UBE2R2: variants seen among roughly 807,000 people sequenced by gnomAD.
UBE2R2 encodes the protein ubiquitin conjugating enzyme E2 R2.
A neutral mutation model predicts 27.8 loss-of-function variants in UBE2R2; 1 was observed. The observed-to-expected ratio is 0.04, with a 90% CI of 0.01 to 0.17. The LOEUF is 0.17. UBE2R2 is among the 10% of genes least tolerant of loss of function. The probability of loss-of-function intolerance (pLI) is 1.00; values close to 1 mark genes in which losing one functional copy is unlikely to be tolerated. For synonymous variants in UBE2R2, 106 were observed against 113.3 expected, an observed-to-expected ratio of 0.94 and a Z score of 0.41; for missense variants, 100 against 291.0, an observed-to-expected ratio of 0.34 and a Z score of 4.78.
At chr9:33,915,215 A>G (rs1564008205) in intron 4 of UBE2R2, among the ~76,000 whole-genome samples, 2 of 152,256 alleles carry the variant, frequency 1.3e-5, no homozygotes, top group South Asian at 4.1e-4. Context: ...GGGGACAGAT[A>G]TAAAAATATT....
At chr9:33,852,623 C>A in intron 1 of UBE2R2, among the ~76,000 whole-genome samples, 1 of 152,156 alleles carries the variant, frequency 6.6e-6, no homozygotes, top group East Asian at 1.9e-4. Context: ...CTATTTTCTT[C>A]TTCTAGGCCT....
Position 33,917,048 on chromosome 9 carries a change from A to G in UBE2R2, c.528A>G (p.Ala176=). The change falls in exon 5 of 5, where the codon GCA becomes GCG. Residue 176 remains alanine (A), a synonymous_variant. Coordinates refer to ENST00000263228, the MANE Select transcript of UBE2R2 (RefSeq NM_017811.4). ...RKQVSATKAE[A]EKDGVKVPTT... ...AAGTTTCAGCCACTAAGGCCGAAGCAGAAAAGGATGGAGTGAAGGTCCCCA... is the reference window on the plus strand; with the variant it reads ...AAGTTTCAGCCACTAAGGCCGAAGCGGAAAAGGATGGAGTGAAGGTCCCCA... 1.2e-6 allele frequency: 2 copies of G among 1,614,264 alleles called. No individual in the cohort carries two copies. The highest frequency in any genetic ancestry group is 1.7e-6 in the Non-Finnish European group (2 of 1,180,048).
intron 1 of UBE2R2, among the ~76,000 whole-genome samples, chr9:33,868,304 A>G (rs771103500): frequency 6.6e-6 from 1 of 151,878 alleles, no homozygotes; most frequent in Non-Finnish European, 1.5e-5. Flanking sequence ...ATTTGGGCTG[A>G]AAAATAGGGT....
chr9:33,842,132 G>T (rs1196364223), intron 1 of UBE2R2, among the ~76,000 whole-genome samples: 2 of 152,146 alleles, frequency 1.3e-5, no homozygotes, highest in Non-Finnish European at 2.9e-5. Flanking sequence ...GGGCAAAGTG[G>T]CTCATACTTG....
intron 1 of UBE2R2, among the ~76,000 whole-genome samples, chr9:33,849,688 C>G (rs936505620): frequency 4.6e-5 from 4 of 87,558 alleles, no homozygotes; most frequent in African/African-American, 1.3e-4. Flanking sequence ...CTCATCTCTA[C>G]TTAAAAAAAA....
chr9:33,842,636 C>T (rs1265868950), intron 1 of UBE2R2, among the ~76,000 whole-genome samples: 2 of 152,040 alleles, frequency 1.3e-5, no homozygotes, highest in Non-Finnish European at 2.9e-5. Context: ...GATACTAGTA[C>T]ATGGGCATAT....
intron 1 of UBE2R2, among the ~76,000 whole-genome samples, chr9:33,862,808 C>G (rs1296107029): frequency 6.6e-6 from 1 of 152,118 alleles, no homozygotes; most frequent in African/African-American, 2.4e-5. Context: ...TTGCCTTTAA[C>G]ATATAAACAG....
chr9:33,846,996 CT>C lies in UBE2R2; in HGVS notation c.177+29075del, dbSNP rs35224386. Among the ~76,000 whole-genome samples, 266 of 126,096 alleles carry C rather than the reference CT, an allele frequency of 2.1e-3. 2 individuals are homozygous for C. The highest frequency in any genetic ancestry group is 7.8e-3 in the East Asian group (32 of 4,114). 82.7% of individuals were successfully genotyped at this position (126,096 alleles called of 152,430 possible). Reference sequence around the variant, plus strand: ...TTTGCCTGAAAACATCTTTATTTTGCTTTTTTTTTTTTTGAAGGTTTTTTTT... The same window carrying C: ...TTTGCCTGAAAACATCTTTATTTTGCTTTTTTTTTTTTGAAGGTTTTTTTT... On this transcript the variant is annotated intron_variant, in intron 1 of 4. Transcript: ENST00000263228.
At chr9:33,873,871 G>C (rs1821543619) in intron 1 of UBE2R2, among the ~76,000 whole-genome samples, 1 of 151,940 alleles carries the variant, frequency 6.6e-6, no homozygotes, top group South Asian at 2.1e-4. Flanking sequence ...TTGAACTTCT[G>C]GGCTCAAGCG....
intron 2 of UBE2R2, among the ~76,000 whole-genome samples, chr9:33,891,894 G>A (rs1821994851): frequency 1.3e-5 from 2 of 152,130 alleles, no homozygotes; most frequent in South Asian, 2.1e-4. Context: ...TTCACCAGGC[G>A]TAGTGGCACA....
At chr9:33,844,397 C>T (rs1276144794) in intron 1 of UBE2R2, among the ~76,000 whole-genome samples, 1 of 151,782 alleles carries the variant, frequency 6.6e-6, no homozygotes, top group African/African-American at 2.4e-5. Flanking sequence ...AGAGACAGGT[C>T]TTCACCATGT....
intron 1 of UBE2R2, among the ~76,000 whole-genome samples, chr9:33,883,386 A>G (rs1563999332): frequency 1.3e-5 from 2 of 152,138 alleles, no homozygotes; most frequent in Non-Finnish European, 1.5e-5. Context: ...TGAATCAGCT[A>G]TAAATTGGGA....
chr9:33,815,658 G>A (rs1377436268), upstream of UBE2R2, among the ~76,000 whole-genome samples: 1 of 152,126 alleles, frequency 6.6e-6, no homozygotes, highest in East Asian at 1.9e-4. Flanking sequence ...GTTAGAGGAT[G>A]GCTTAAGCCC....
intron 2 of UBE2R2, 125 bp from the exon 3 acceptor site, chr9:33,900,049 A>G (rs1822212125): frequency 1.6e-6 from 1 of 608,886 alleles, no homozygotes; most frequent in Non-Finnish European, 2.9e-6. Flanking sequence ...GAACATAAAA[A>G]GCAGAATTGT....
intron 1 of UBE2R2, among the ~76,000 whole-genome samples, chr9:33,821,301 A>G (rs1280898129): frequency 6.6e-6 from 1 of 151,898 alleles, no homozygotes; most frequent in Non-Finnish European, 1.5e-5. Flanking sequence ...TACAGGCATG[A>G]CTACGCCCGG....
chr9:33,825,628 G>A (rs1035377940), intron 1 of UBE2R2, among the ~76,000 whole-genome samples: 2 of 152,022 alleles, frequency 1.3e-5, no homozygotes, highest in African/African-American at 2.4e-5. Flanking sequence ...CCAACTTAAT[G>A]GTCAGTTGGA....
chr9:33,857,761 A>G (rs1312445394), intron 1 of UBE2R2, among the ~76,000 whole-genome samples: 1 of 152,152 alleles, frequency 6.6e-6, no homozygotes, highest in African/African-American at 2.4e-5. Context: ...TGGCATGGTT[A>G]ACCTTTATGC....
intron 1 of UBE2R2, among the ~76,000 whole-genome samples, chr9:33,858,546 C>G (rs1821156841): frequency 6.6e-6 from 1 of 152,070 alleles, no homozygotes; most frequent in Non-Finnish European, 1.5e-5. Context: ...CACTAAGTAG[C>G]TGGGATGCAC....
At chr9:33,897,942 A>G (rs942959229) in intron 2 of UBE2R2, among the ~76,000 whole-genome samples, 3 of 145,542 alleles carry the variant, frequency 2.1e-5, no homozygotes, top group African/African-American at 7.7e-5. Context: ...CGCCTGGCTA[A>G]TTTTGTATTT....
Sources: allele counts gnomAD v4.1 joint callset (sites outside exome capture counted in the v4.1 genomes callset), GRCh38; gene constraint gnomAD v4.1.1; transcripts MANE v1.5; gene names NCBI Gene and HGNC (gene_info 2026-07-23, HGNC 2026-07-21).